DCC: variants seen among roughly 807,000 people sequenced by gnomAD.
DCC encodes the protein DCC netrin 1 receptor.
In DCC, 58 loss-of-function variants were observed where a neutral mutation model predicts 172.5. The observed-to-expected ratio is 0.34, with a 90% CI of 0.27 to 0.42. DCC has a LOEUF of 0.42. Ranked by LOEUF, DCC falls within the 10% of genes least tolerant of loss-of-function variation. The probability of loss-of-function intolerance (pLI) is 1.00; values close to 1 mark genes in which losing one functional copy is unlikely to be tolerated. For missense variants in DCC, 1,740 were observed against 1,791.0 expected, an observed-to-expected ratio of 0.97 and a Z score of 0.51; for synonymous variants, 709 against 644.5, an observed-to-expected ratio of 1.10 and a Z score of -1.52.
chr18:52,601,936 GACTTTATC>G (rs2034026546), intron 1 of DCC, among the ~76,000 whole-genome samples: 1 of 151,932 alleles, frequency 6.6e-6, no homozygotes, highest in East Asian at 1.9e-4. Context: ...ATAAATTGAT[GACTTTATC>G]ACTTCTCTCA....
intron 2 of DCC, among the ~76,000 whole-genome samples, chr18:52,844,752 T>G (rs1292760628): frequency 2.0e-5 from 3 of 152,162 alleles, no homozygotes; most frequent in East Asian, 1.9e-4. Context: ...CTATATTGCT[T>G]CTTTTATTCA....
At position 52,941,441 on chromosome 18, in the gene DCC, C is replaced by T. The variant is rs753765119; in HGVS notation, c.985+16071C>T. Among the ~76,000 whole-genome samples, 6 of 151,266 alleles carry T rather than the reference C, an allele frequency of 4.0e-5. No homozygotes were observed. In the South Asian group the frequency reaches 6.3e-4, roughly 16 times the overall value. On this transcript the variant is annotated intron_variant, in intron 5 of 28. Coordinates refer to ENST00000442544, the MANE Select transcript of DCC (RefSeq NM_005215.4). The stretch of plus-strand genomic sequence containing the variant: ...AAGTCCAGGAATTGATGACTAATAC[C>T]GTATTATAGTTTTTAAATATTCTTT...
chr18:52,355,218 A>AG (rs1984306739), intron 1 of DCC, among the ~76,000 whole-genome samples: 1 of 151,090 alleles, frequency 6.6e-6, no homozygotes, highest in Non-Finnish European at 1.5e-5. Flanking sequence ...AAAAAAAAAA[A>AG]GCACATAGAA....
At chr18:52,566,710 G>A (rs554778956) in intron 1 of DCC, among the ~76,000 whole-genome samples, 1 of 152,080 alleles carries the variant, frequency 6.6e-6, no homozygotes, top group African/African-American at 2.4e-5. Flanking sequence ...CAAGATTCAC[G>A]AGACTGAAGA....
At position 53,305,635 on chromosome 18, in the gene DCC, G is replaced by C. The variant is rs761520300; in HGVS notation, c.1969G>C (p.Gly657Arg). 1 of 1,613,620 alleles carries C rather than the reference G, an allele frequency of 6.2e-7. No homozygotes were observed. Among genetic ancestry groups the C allele is most frequent in the South Asian group, 1.1e-5 (1 of 91,076 alleles). Residue 657 changes from glycine to arginine, a missense_variant, in exon 13 of 29, where the codon GGC becomes CGC. Physicochemically the swap from Gly to Arg is moderately radical, Grantham distance 125. Transcript: ENST00000442544. ...AGGAACACAAAATGGATTTATTACC[G>C]GCTATAAAATTCGACACAGAAAGAC... ...PSGTQNGFIT[G>R]YKIRHRKTTR...
chr18:53,120,116 A>G (rs1041229115), intron 7 of DCC, among the ~76,000 whole-genome samples: 3 of 151,796 alleles, frequency 2.0e-5, no homozygotes, highest in South Asian at 2.1e-4. Flanking sequence ...ATGTTCTTCA[A>G]ATTCTAGAAA....
chr18:53,310,293 C>T (rs901904639), intron 13 of DCC, among the ~76,000 whole-genome samples: 4 of 152,050 alleles, frequency 2.6e-5, no homozygotes, highest in Non-Finnish European at 4.4e-5. Flanking sequence ...ATCTACAGCA[C>T]TGTAAAATGT....
rs1348450232 is a variant in DCC at position 53,392,640 on chromosome 18, T to A, written c.2688+753T>A. Among the ~76,000 whole-genome samples the A allele has an allele frequency of 2.6e-5, 4 of 152,328 alleles. No homozygotes were observed. The East Asian group carries it at 7.7e-4, about 29-fold the overall frequency. ...CTAAAACTGCTATGATGTTAGTATA[T>A]ATAGACAATATACAAATGTAGACAA... On this transcript the variant is annotated intron_variant, in intron 17 of 28. Transcript: ENST00000442544.
intron 15 of DCC, among the ~76,000 whole-genome samples, chr18:53,381,765 AG>A (rs1430773657): frequency 2.0e-5 from 3 of 152,002 alleles, no homozygotes; most frequent in Non-Finnish European, 4.4e-5. Context: ...CCAGAGAGAT[AG>A]TTTTTCCAGG....
rs184928832 is a variant in DCC at position 52,632,392 on chromosome 18, G to A, written c.92-119662G>A. 1.1e-4 allele frequency among the ~76,000 whole-genome samples: 17 copies of A among 152,292 alleles called. 1 individual carries two copies. Among genetic ancestry groups the A allele is most frequent in the South Asian group, 8.3e-4 (4 of 4,820 alleles). On this transcript the variant is annotated intron_variant, in intron 1 of 28. Transcript: ENST00000442544. ...AATAAATGATCCCAATGTTCAACAT[G>A]TACATAGCCCACTGGATAATTTAGT... is the stretch of plus-strand genomic sequence containing the variant.
At chr18:52,390,604 T>A (rs1568146641) in intron 1 of DCC, among the ~76,000 whole-genome samples, 2 of 152,118 alleles carry the variant, frequency 1.3e-5, no homozygotes, top group African/African-American at 4.8e-5. Context: ...TACTGTGCAG[T>A]CTGAAGAAAC....
At chr18:52,772,478 G>C (rs778277141) in intron 2 of DCC, among the ~76,000 whole-genome samples, 11 of 152,128 alleles carry the variant, frequency 7.2e-5, no homozygotes, top group Non-Finnish European at 1.6e-4. Flanking sequence ...TCTGCTTTCA[G>C]TTCCTTCCCT....
intron 25 of DCC, among the ~76,000 whole-genome samples, chr18:53,480,093 G>A (rs978298321): frequency 6.6e-6 from 1 of 152,092 alleles, no homozygotes; most frequent in Admixed American, 6.6e-5. Context: ...ATGTACACCT[G>A]GATGTTCACA....
rs370221226 is a variant in DCC, at chr18:52,684,639, G to T, written c.92-67415G>T. Among the ~76,000 whole-genome samples the T allele has an allele frequency of 5.3e-5, 8 of 152,022 alleles. No individual in the cohort carries two copies. The East Asian group carries it at 7.8e-4, about 15-fold the overall frequency. ...TTCCAACTGTCCCTTTTAGTGATTG[G>T]GCAAACTCATCCATCTGACTGCTGC... On this transcript the variant is annotated intron_variant, in intron 1 of 28. Transcript: ENST00000442544.
At chr18:53,097,816 CAGAG>C (rs896953929) in intron 7 of DCC, among the ~76,000 whole-genome samples, 2 of 151,892 alleles carry the variant, frequency 1.3e-5, no homozygotes, top group Admixed American at 6.6e-5. Flanking sequence ...CATACTGAAA[CAGAG>C]AGAGAGAGAT....
At chr18:52,900,702 A>T (rs574485104) in intron 2 of DCC, among the ~76,000 whole-genome samples, 2 of 152,318 alleles carry the variant, frequency 1.3e-5, no homozygotes, top group Admixed American at 1.3e-4. Context: ...TTGTTAATGC[A>T]TGGAGATACA....
At chr18:53,382,024 C>G (rs994241223) in intron 15 of DCC, among the ~76,000 whole-genome samples, 2 of 150,158 alleles carry the variant, frequency 1.3e-5, no homozygotes, top group African/African-American at 4.9e-5. Flanking sequence ...TACACTGTAG[C>G]CAAATCTAGC....
At chr18:52,415,739 T>C (rs1987000042) in intron 1 of DCC, among the ~76,000 whole-genome samples, 1 of 152,166 alleles carries the variant, frequency 6.6e-6, no homozygotes, top group Non-Finnish European at 1.5e-5. Context: ...ATCATTTTTA[T>C]TGCGTCTATT....
intron 12 of DCC, among the ~76,000 whole-genome samples, chr18:53,263,061 G>A (rs1214168118): frequency 2.6e-5 from 4 of 152,140 alleles, no homozygotes; most frequent in Non-Finnish European, 5.9e-5. Context: ...TGGCCATCTA[G>A]CAAAAGCAAC....
Sources: gnomAD v4.1 joint callset for allele counts (sites outside exome capture counted in the v4.1 genomes callset) on GRCh38, gnomAD v4.1.1 for gene constraint, MANE v1.5 for transcripts, NCBI Gene and HGNC (gene_info 2026-07-23, HGNC 2026-07-21) for gene names.